The following DAP3 variants were observed in gnomAD, a reference collection of about 807,000 sequenced individuals.
DAP3 encodes death associated protein 3.
In DAP3, 28 loss-of-function variants were observed where a neutral mutation model predicts 51.9. The ratio of observed to expected loss-of-function variants is 0.54; its 90% CI spans 0.40 to 0.74. The LOEUF (loss-of-function observed/expected upper bound fraction) is 0.74, where lower values mean the gene tolerates loss of function less well. Ranked by LOEUF, DAP3 falls within the 30% of genes least tolerant of loss-of-function variation. The pLI, the probability that DAP3 is intolerant of heterozygous loss-of-function variation, is 0.00. For synonymous variants in DAP3, 170 were observed against 170.3 expected (o/e 1.00, Z 0.01); for missense variants, 458 against 483.5 (o/e 0.95, Z 0.49).
intron 1 of DAP3, among the ~76,000 whole-genome samples, chr1:155,702,151 TAAAAAAAAAAA>T (rs71080722): frequency 5.9e-5 from 6 of 101,704 alleles, no homozygotes; most frequent in Non-Finnish European, 8.0e-5. Flanking sequence ...ATTCTGCCTA[TAAAAAAAAAAA>T]AAAAAAAAGA....
intron 5 of DAP3, 23 bp downstream of exon 5, chr1:155,725,513 A>G: frequency 1.9e-6 from 3 of 1,585,548 alleles, no homozygotes; most frequent in African/African-American, 1.3e-5. Context: ...GCCTGCGTGG[A>G]CCCTCATGAA....
intron 4 of DAP3, among the ~76,000 whole-genome samples, chr1:155,722,581 C>T (rs940392074): frequency 5.9e-5 from 9 of 151,976 alleles, no homozygotes; most frequent in Admixed American, 1.3e-4. Flanking sequence ...GCAACCCTCT[C>T]GGGTCCCCTT....
Position 155,729,129 on chromosome 1 carries a change from G to GA in DAP3, c.684+13dup. Reference sequence around the variant, plus strand: ...GGGAGAAGTGGTTGAACAGGTATAAGAAAAAACACTGAATGTGTAACATGC... The same window carrying GA: ...GGGAGAAGTGGTTGAACAGGTATAAGAAAAAAACACTGAATGTGTAACATGC... On this transcript the variant is annotated splice_region_variant and intron_variant, in intron 8 of 12. Transcript: ENST00000368336. 2 of 1,614,134 alleles carry GA rather than the reference G, an allele frequency of 1.2e-6. No individual in the cohort carries two copies. Among genetic ancestry groups the GA allele is most frequent in the Non-Finnish European group, 1.7e-6 (2 of 1,180,032 alleles).
At chr1:155,713,261 C>T (rs1429399117) in intron 2 of DAP3, among the ~76,000 whole-genome samples, 2 of 152,140 alleles carry the variant, frequency 1.3e-5, no homozygotes, top group Admixed American at 1.3e-4. Context: ...CATGACCCCT[C>T]CTGTTTCTGC....
intron 3 of DAP3, among the ~76,000 whole-genome samples, chr1:155,720,966 G>A (rs1296765105): frequency 6.6e-6 from 1 of 152,036 alleles, no homozygotes; most frequent in African/African-American, 2.4e-5. Flanking sequence ...GAACCTGGGA[G>A]GCGGGGGTTG....
At chr1:155,697,728 T>C (rs996271185) in intron 1 of DAP3, among the ~76,000 whole-genome samples, 1 of 152,110 alleles carries the variant, frequency 6.6e-6, no homozygotes, top group Non-Finnish European at 1.5e-5. Context: ...TGGACGTTGA[T>C]ATTGATAAAC....
upstream of DAP3, chr1:155,688,140 G>A (rs139279518): frequency 2.2e-5 from 35 of 1,612,872 alleles, no homozygotes; most frequent in African/African-American, 4.4e-4. Context: ...AGGCTCCTCC[G>A]CTTCCCTGGG....
At chr1:155,718,900 A>G (rs1400655168) in intron 3 of DAP3, among the ~76,000 whole-genome samples, 1 of 152,106 alleles carries the variant, frequency 6.6e-6, no homozygotes, top group East Asian at 1.9e-4. Flanking sequence ...TGGGGTTTCT[A>G]TGGAAACAGC....
intron 11 of DAP3, 132 bp downstream of exon 11, chr1:155,732,165 G>T: frequency 1.6e-6 from 1 of 637,816 alleles, no homozygotes; most frequent in Non-Finnish European, 2.6e-6. Context: ...CCCTTCCCCT[G>T]GATTCCTAAA....
rs1344158754 is a variant in DAP3 at position 155,693,622 on chromosome 1, G to A, written c.-8+4448G>A. The stretch of plus-strand genomic sequence containing the variant: ...AAAGGTCCCCTTAGGGGACCAATCA[G>A]TGACAATTCCATAGGAATTATTTTG... On this transcript the variant is annotated intron_variant, in intron 1 of 12. Coordinates refer to ENST00000368336, the MANE Select transcript of DAP3 (RefSeq NM_004632.4). Among the ~76,000 whole-genome samples the A allele has an allele frequency of 1.4e-5, 2 of 142,120 alleles. 1 individual carries two copies. Among genetic ancestry groups the A allele is most frequent in the African/African-American group, 6.3e-5 (2 of 31,576 alleles). The allele number at this position is 142,120 out of a possible 152,430, so 93.2% of individuals were successfully genotyped here.
At chr1:155,714,199 A>T (rs1381120817) in intron 2 of DAP3, among the ~76,000 whole-genome samples, 2 of 152,142 alleles carry the variant, frequency 1.3e-5, no homozygotes, top group Admixed American at 6.6e-5. Flanking sequence ...GGAATTTGAG[A>T]CTTATTTTGA....
At chr1:155,718,733 T>TAGATAGAC (rs1657637258) in intron 3 of DAP3, among the ~76,000 whole-genome samples, 1 of 144,958 alleles carries the variant, frequency 6.9e-6, no homozygotes, top group African/African-American at 2.5e-5. Context: ...GATAGATAGA[T>TAGATAGAC]AGATAGATAG....
At chr1:155,717,550 G>A (rs143112240) in intron 3 of DAP3, among the ~76,000 whole-genome samples, 3 of 152,298 alleles carry the variant, frequency 2.0e-5, no homozygotes, top group African/African-American at 7.2e-5. Context: ...TCTGTCACAA[G>A]TACTCAACTC....
At chr1:155,699,720 C>T (rs1169830804) in intron 1 of DAP3, among the ~76,000 whole-genome samples, 1 of 149,980 alleles carries the variant, frequency 6.7e-6, no homozygotes. Context: ...CCCAGGTGAT[C>T]CTCCCACTTT....
chr1:155,714,853 G>T (rs577650876), intron 2 of DAP3, among the ~76,000 whole-genome samples: 4 of 152,264 alleles, frequency 2.6e-5, no homozygotes, highest in Admixed American at 2.6e-4. Context: ...TCATAAAATG[G>T]GTGTAAGTGT....
upstream of DAP3, chr1:155,688,993 G>T (rs1459750738): frequency 2.3e-5 from 37 of 1,602,650 alleles, no homozygotes; most frequent in Non-Finnish European, 3.1e-5. Context: ...GCGGCGAGGG[G>T]ATCGAGGGCG....
rs183337707 is a variant in DAP3, at chr1:155,713,849, G to T, written c.46-3157G>T. Among the ~76,000 whole-genome samples the T allele has an allele frequency of 3.3e-5, 5 of 152,266 alleles. No individual in the cohort carries two copies. The East Asian group carries it at 9.6e-4, about 29-fold the overall frequency. ...TTAAAACTAGTACATGTACAATACT[G>T]TATTGCCTAACATCTAATAGATACT... On this transcript the variant is annotated intron_variant, in intron 2 of 12. Transcript: ENST00000368336.
At position 155,731,953 on chromosome 1, in the gene DAP3, G is replaced by T. The variant is rs369936772; in HGVS notation, c.913G>T (p.Ala305Ser). 3.1e-6 allele frequency: 5 copies of T among 1,609,220 alleles called. No homozygotes were observed. Among genetic ancestry groups the T allele is most frequent in the Non-Finnish European group, 4.2e-6 (5 of 1,177,944 alleles). The change falls in exon 11 of 13, where the codon GCC becomes TCC. Residue 305 changes from alanine (A) to serine (S), a missense_variant. Coordinates refer to ENST00000368336, the MANE Select transcript of DAP3 (RefSeq NM_004632.4). Reference sequence around the variant, plus strand: ...TTCTCTTTTCTTTCAGCATGGAGGCGCCATTGTGTCGGCTTTGAGCCAGAC... The same window carrying T: ...TTCTCTTTTCTTTCAGCATGGAGGCTCCATTGTGTCGGCTTTGAGCCAGAC... ...KMMKNDWHGG[A>S]IVSALSQTGS...
chr1:155,698,767 G>A (rs1654823556), intron 1 of DAP3, among the ~76,000 whole-genome samples: 1 of 152,084 alleles, frequency 6.6e-6, no homozygotes, highest in Non-Finnish European at 1.5e-5. Flanking sequence ...ACACCACTAC[G>A]CTTCAAGAGC....
Sources: gnomAD v4.1 joint callset for allele counts (sites outside exome capture counted in the v4.1 genomes callset) on GRCh38, gnomAD v4.1.1 for gene constraint, MANE v1.5 for transcripts, NCBI Gene and HGNC (gene_info 2026-07-23, HGNC 2026-07-21) for gene names.